ABCA8: variants seen among roughly 807,000 people sequenced by gnomAD.
ABCA8 encodes ABC-type organic anion transporter ABCA8.
A neutral mutation model predicts 192.3 loss-of-function variants in ABCA8; 177 were observed. The ratio of observed to expected loss-of-function variants is 0.92; its 90% confidence interval spans 0.81 to 1.04. The LOEUF is 1.04. ABCA8 is among the 50% of genes least tolerant of loss of function. The pLI, the probability that ABCA8 is intolerant of heterozygous loss-of-function variation, is 0.00. For synonymous variants in ABCA8, 642 were observed against 690.2 expected (o/e 0.93, Z 1.09); for missense variants, 1,915 against 1,904.8 (o/e 1.01, Z -0.10).
intron 29 of ABCA8, among the ~76,000 whole-genome samples, 162 bp from the exon 30 acceptor site, chr17:68,882,881 C>G (rs1270141801): frequency 6.6e-6 from 1 of 152,178 alleles, no homozygotes; most frequent in East Asian, 1.9e-4. Context: ...CTTATCTTAT[C>G]TATAGAAATA....
intron 10 of ABCA8, among the ~76,000 whole-genome samples, chr17:68,927,069 A>G (rs1054199265): frequency 1.3e-5 from 2 of 152,170 alleles, no homozygotes; most frequent in Middle Eastern, 3.2e-3. Context: ...CAGCCTGATC[A>G]ACATGGTGAA....
intron 24 of ABCA8, among the ~76,000 whole-genome samples, chr17:68,887,925 T>TATATATGGATA: frequency 2.0e-5 from 2 of 101,032 alleles, no homozygotes; most frequent in Non-Finnish European, 3.8e-5. Flanking sequence ...TATATATATA[T>TATATATGGATA]TATATATGGA....
rs757791638 is a variant in ABCA8, at chr17:68,887,383, T to A, written c.3268A>T (p.Ile1090Phe). 6 of 1,612,600 alleles carry A rather than the reference T, an allele frequency of 3.7e-6. No homozygotes were observed. In the East Asian group the frequency reaches 1.3e-4, roughly 36 times the overall value. Residue 1090 changes from isoleucine (I) to phenylalanine (F), a missense_variant, in exon 25 of 40, where the codon ATT (isoleucine) becomes TTT (phenylalanine). Coordinates refer to ENST00000586539, the MANE Select transcript of ABCA8 (RefSeq NM_001288985.2). ...AGTAGCATGTCTTCGAAGTTTGAAATGTAGCTCATTAAATATATAAAAACG... is the reference window on the plus strand; with the variant it reads ...AGTAGCATGTCTTCGAAGTTTGAAAAGTAGCTCATTAAATATATAAAAACG... ...VFVFIYLMSY[I>F]SNFEDMLLTI...
At chr17:68,944,366 A>ATACATACAT (rs1293266762) in intron 2 of ABCA8, among the ~76,000 whole-genome samples, 1 of 138,742 alleles carries the variant, frequency 7.2e-6, no homozygotes, top group Non-Finnish European at 1.6e-5. Context: ...ATATACACAT[A>ATACATACAT]TACATACATA....
chr17:68,880,475 C>T (rs2066308528), intron 32 of ABCA8, among the ~76,000 whole-genome samples: 1 of 152,126 alleles, frequency 6.6e-6, no homozygotes, highest in Non-Finnish European at 1.5e-5. Flanking sequence ...TGCCATGTTG[C>T]AGGCAATGAG....
At chr17:68,940,006 G>T (rs548247970) in intron 4 of ABCA8, among the ~76,000 whole-genome samples, 1 of 152,160 alleles carries the variant, frequency 6.6e-6, no homozygotes, top group African/African-American at 2.4e-5. Flanking sequence ...GTTCTGAGTG[G>T]ACTCTTAGAA....
intron 14 of ABCA8, among the ~76,000 whole-genome samples, chr17:68,918,797 CG>C (rs1567860004): frequency 6.6e-6 from 1 of 151,704 alleles, no homozygotes; most frequent in Admixed American, 6.6e-5. Context: ...CCAAGCCTGG[CG>C]GCGTGCCTGT....
intron 3 of ABCA8, among the ~76,000 whole-genome samples, chr17:68,941,464 T>C (rs2068227970): frequency 6.6e-6 from 1 of 152,218 alleles, no homozygotes; most frequent in South Asian, 2.1e-4. Context: ...GGTAAGATTA[T>C]AAGAGCTAAT....
At chr17:68,932,828 A>G (rs2067943327) in intron 6 of ABCA8, among the ~76,000 whole-genome samples, 2 of 152,218 alleles carry the variant, frequency 1.3e-5, no homozygotes. Flanking sequence ...TCAAGCTGGA[A>G]TGTTATTTCA....
chr17:68,892,237 G>A (rs181402763), intron 23 of ABCA8, among the ~76,000 whole-genome samples: 109 of 152,224 alleles, frequency 7.2e-4, no homozygotes, highest in African/African-American at 1.8e-3. Flanking sequence ...ACACATTACT[G>A]AAGAAAGTTC....
chr17:68,868,702 C>G (rs968194686), intron 38 of ABCA8, among the ~76,000 whole-genome samples: 1 of 152,086 alleles, frequency 6.6e-6, no homozygotes, highest in African/African-American at 2.4e-5. Flanking sequence ...AGGCTTGTAT[C>G]AGAAGATTAT....
At chr17:68,946,660 C>A (rs1228600372) in intron 2 of ABCA8, among the ~76,000 whole-genome samples, 3 of 152,034 alleles carry the variant, frequency 2.0e-5, no homozygotes, top group African/African-American at 2.4e-5. Flanking sequence ...TTGTATTGGC[C>A]GGGCATGGTG....
At chr17:68,895,947 C>G (rs2066744019) in intron 21 of ABCA8, among the ~76,000 whole-genome samples, 1 of 151,938 alleles carries the variant, frequency 6.6e-6, no homozygotes, top group Admixed American at 6.6e-5. Context: ...ACAGGAGAGG[C>G]AAGCTGAGAA....
At chr17:68,873,682 G>A (rs557506702) in intron 37 of ABCA8, among the ~76,000 whole-genome samples, 14 of 152,112 alleles carry the variant, frequency 9.2e-5, no homozygotes, top group Non-Finnish European at 1.9e-4. Flanking sequence ...AACAATTTCA[G>A]GTCTTATGTT....
At chr17:68,936,916 T>C in intron 5 of ABCA8, 35 bp downstream of exon 5, 1 of 1,516,302 alleles carries the variant, frequency 6.6e-7, no homozygotes, top group Non-Finnish European at 8.8e-7. Flanking sequence ...ATAATTGAAA[T>C]AGAGAGTAGT....
rs763795266 is a variant in ABCA8 at position 68,928,034 on chromosome 17, A to G, written c.1155T>C (p.Ser385=). Residue 385 remains serine (S), a synonymous_variant, in exon 10 of 40, where the codon TCT becomes TCC. Transcript: ENST00000586539. ...QLLHLDYDLN[S]NAFPHPSDGS... The stretch of plus-strand genomic sequence containing the variant: ...CGTCCGATGGATGAGGAAATGCATT[A>G]GAATTCAAATCATAGTCCAAGTGTA... The G allele has an allele frequency of 6.3e-7, 1 of 1,599,440 alleles. No homozygotes were observed. The highest frequency in any genetic ancestry group is 8.5e-7 in the Non-Finnish European group (1 of 1,175,220).
chr17:68,916,329 A>G (rs2067362214), intron 17 of ABCA8, among the ~76,000 whole-genome samples: 2 of 152,146 alleles, frequency 1.3e-5, no homozygotes, highest in South Asian at 4.1e-4. Context: ...TTAATATTGC[A>G]ATATATTGTT....
In ABCA8 at chr17:68,885,189, T is replaced by G. The variant is rs567609148; in HGVS notation, c.3549+7A>C. ...AAGGGACTGGGACAGACTGTGTCAT[T>G]ACTTACATGAGAAGATAAGAACAAA... On this transcript the variant is annotated splice_region_variant and intron_variant, in intron 27 of 39. Coordinates refer to ENST00000586539, the MANE Select transcript of ABCA8 (RefSeq NM_001288985.2). 1 of 1,611,254 alleles carries G rather than the reference T, an allele frequency of 6.2e-7. No homozygotes were observed. The highest frequency in any genetic ancestry group is 1.3e-5 in the African/African-American group (1 of 74,938).
At chr17:68,948,351 C>T (rs1485964855) in intron 2 of ABCA8, among the ~76,000 whole-genome samples, 7 of 152,162 alleles carry the variant, frequency 4.6e-5, no homozygotes, top group African/African-American at 1.7e-4. Flanking sequence ...AACTAATTTA[C>T]ACTCCCACTA....
Sources: gnomAD v4.1 joint callset for allele counts (sites outside exome capture counted in the v4.1 genomes callset) on GRCh38, gnomAD v4.1.1 for gene constraint, MANE v1.5 for transcripts, NCBI Gene and HGNC (gene_info 2026-07-23, HGNC 2026-07-21) for gene names.